TYW1B: variants seen among roughly 807,000 people sequenced by gnomAD.
TYW1B encodes the protein tRNA-yW synthesizing protein 1 homolog B, also known as S-adenosyl-L-methionine-dependent tRNA 4-demethylwyosine synthase TYW1B.
A neutral mutation model predicts 86.9 loss-of-function variants in TYW1B; 73 were observed. That is an observed-to-expected ratio of 0.84 (90% CI 0.70 to 1.02). The LOEUF (loss-of-function observed/expected upper bound fraction) is 1.02. TYW1B is among the 50% of genes least tolerant of loss of function. TYW1B has a pLI of 0.00. For missense variants in TYW1B, 637 were observed against 827.4 expected (o/e 0.77, Z 2.82); for synonymous variants, 248 against 292.8 (o/e 0.85, Z 1.56).
chr7:72,770,400 G>T (rs1450101404), intron 7 of TYW1B, among the ~76,000 whole-genome samples: 1 of 145,534 alleles, frequency 6.9e-6, no homozygotes, highest in Non-Finnish European at 1.5e-5. Context: ...CTGTACTCCA[G>T]GCTGGCAACA....
At chr7:72,647,683 A>G (rs1554442211) in intron 11 of TYW1B, among the ~76,000 whole-genome samples, 2 of 151,848 alleles carry the variant, frequency 1.3e-5, no homozygotes, top group African/African-American at 4.8e-5. Flanking sequence ...TTTGTTGACA[A>G]GGGGTAACTT....
intron 8 of TYW1B, among the ~76,000 whole-genome samples, chr7:72,737,066 T>C (rs1787208982): frequency 6.6e-6 from 1 of 152,138 alleles, no homozygotes; most frequent in Non-Finnish European, 1.5e-5. Context: ...ATACAGAACC[T>C]CACTCAAGCA....
At chr7:72,690,153 CAG>C (rs1377033140) in intron 11 of TYW1B, among the ~76,000 whole-genome samples, 1 of 152,142 alleles carries the variant, frequency 6.6e-6, no homozygotes, top group Non-Finnish European at 1.5e-5. Context: ...ATTACTTAAA[CAG>C]AGAAAAGAAT....
At chr7:72,598,229 C>G (rs1227453250) in intron 13 of TYW1B, among the ~76,000 whole-genome samples, 5 of 152,162 alleles carry the variant, frequency 3.3e-5, no homozygotes, top group African/African-American at 4.8e-5. Flanking sequence ...GCCTCCCACC[C>G]TACATCTCTC....
At chr7:72,794,268 C>T (rs1788269313) in intron 6 of TYW1B, among the ~76,000 whole-genome samples, 1 of 152,072 alleles carries the variant, frequency 6.6e-6, no homozygotes. Flanking sequence ...CATCAGTATA[C>T]TTCTTGGCCA....
rs1197656548 is a variant in TYW1B at position 72,776,579 on chromosome 7, A to AAAAAT, written c.964+836_964+837insATTTT. ...CTCAAAAAAAAAAAAAAAAAAAAAA[A>AAAAAT]GAGGTATAGTGTAAAACCTTGGGCA... On this transcript the variant is annotated intron_variant, in intron 7 of 13. Coordinates refer to ENST00000620995, the MANE Select transcript of TYW1B (RefSeq NM_001145440.3). Among the ~76,000 whole-genome samples the AAAAAT allele has an allele frequency of 2.3e-4, 35 of 149,832 alleles. 2 individuals carry two copies.
intron 6 of TYW1B, among the ~76,000 whole-genome samples, chr7:72,800,967 C>T (rs571320081): frequency 2.6e-5 from 4 of 152,214 alleles, no homozygotes; most frequent in Admixed American, 2.6e-4. Flanking sequence ...TGTTCGAGTC[C>T]ACTTTGATAT....
At chr7:72,750,894 CA>C (rs1268355383) in intron 7 of TYW1B, among the ~76,000 whole-genome samples, 1 of 152,152 alleles carries the variant, frequency 6.6e-6, no homozygotes, top group Non-Finnish European at 1.5e-5. Flanking sequence ...TGTCAGTGCT[CA>C]AAACATTTTT....
At chr7:72,610,094 G>A (rs1476386125) in intron 13 of TYW1B, among the ~76,000 whole-genome samples, 1 of 152,164 alleles carries the variant, frequency 6.6e-6, no homozygotes, top group Non-Finnish European at 1.5e-5. Flanking sequence ...TTCTTTCAAT[G>A]ATGTCATAAC....
chr7:72,813,811 T>G (rs1788669335), intron 3 of TYW1B, among the ~76,000 whole-genome samples: 1 of 151,916 alleles, frequency 6.6e-6, no homozygotes, highest in Admixed American at 6.6e-5. Flanking sequence ...TGTCAGGAGT[T>G]CGACACAAGC....
intron 11 of TYW1B, among the ~76,000 whole-genome samples, chr7:72,640,433 T>C (rs1812776233): frequency 6.6e-6 from 1 of 151,882 alleles, no homozygotes; most frequent in African/African-American, 2.4e-5. Flanking sequence ...TGGTAATGTC[T>C]TGTGGAGATA....
chr7:72,692,287 A>G lies in TYW1B; in HGVS notation c.1506+2400T>C, dbSNP rs572196257. Among the ~76,000 whole-genome samples the G allele has an allele frequency of 3.9e-4, 60 of 152,172 alleles. 1 individual carries two copies. The South Asian group carries it at 0.012, about 31-fold the overall frequency. On this transcript the variant is annotated intron_variant, in intron 11 of 13. Coordinates refer to ENST00000620995, the MANE Select transcript of TYW1B (RefSeq NM_001145440.3). Reference sequence around the variant, plus strand: ...GACTGGAGCAGTGGCTCATGCCTATAATCCCAACACTTCCAAGGCAGGAAG... The same window carrying G: ...GACTGGAGCAGTGGCTCATGCCTATGATCCCAACACTTCCAAGGCAGGAAG...
intron 3 of TYW1B, among the ~76,000 whole-genome samples, chr7:72,812,405 C>T (rs80061219): frequency 0.047 from 7,185 of 152,060 alleles, 524 homozygotes; most frequent in East Asian, 0.33. Context: ...TTCCAATTTG[C>T]GGTTCAGGGA....
At position 72,708,465 on chromosome 7, in the gene TYW1B, TAC is replaced by T. The variant is rs369481345; in HGVS notation, c.1370+5154_1370+5155del. Among the ~76,000 whole-genome samples the T allele has an allele frequency of 2.1e-3, 319 of 152,300 alleles. 2 individuals are homozygous for T. Among genetic ancestry groups the T allele is most frequent in the African/African-American group, 7.1e-3 (295 of 41,570 alleles). ...TCTTGTTTCTCTCTTCTTTAATTCT[TAC>T]AGTGTGCTCAAAGATGAAATGGCTG... On this transcript the variant is annotated intron_variant, in intron 10 of 13. Transcript: ENST00000620995.
At chr7:72,641,697 G>A (rs1339458582) in intron 11 of TYW1B, among the ~76,000 whole-genome samples, 1 of 152,066 alleles carries the variant, frequency 6.6e-6, no homozygotes, top group African/African-American at 2.4e-5. Flanking sequence ...GATTTATGTT[G>A]GAGTAATAAA....
intron 11 of TYW1B, among the ~76,000 whole-genome samples, chr7:72,663,185 G>A (rs1456793850): frequency 4.6e-5 from 7 of 151,760 alleles, no homozygotes; most frequent in South Asian, 2.1e-4. Context: ...TAGTCAAGGC[G>A]GGGGGTTGTG....
chr7:72,679,580 G>T (rs1813819700), intron 11 of TYW1B, among the ~76,000 whole-genome samples: 1 of 139,342 alleles, frequency 7.2e-6, no homozygotes, highest in Non-Finnish European at 1.6e-5. Flanking sequence ...TAGTTTGGGG[G>T]AAACAATGGG....
chr7:72,578,145 GCT>G (rs1330582560), intron 13 of TYW1B, among the ~76,000 whole-genome samples: 1 of 140,174 alleles, frequency 7.1e-6, no homozygotes, highest in Non-Finnish European at 1.5e-5. Flanking sequence ...ACGGAGTCTC[GCT>G]CTGTCACCCA....
chr7:72,649,124 C>T (rs375216703), intron 11 of TYW1B, among the ~76,000 whole-genome samples: 2 of 151,956 alleles, frequency 1.3e-5, no homozygotes, highest in East Asian at 1.9e-4. Context: ...AGAAGCAGAA[C>T]GCAGAAATTT....
Sources: allele counts gnomAD v4.1 joint callset (sites outside exome capture counted in the v4.1 genomes callset), GRCh38; gene constraint gnomAD v4.1.1; transcripts MANE v1.5; gene names NCBI Gene and HGNC (gene_info 2026-07-23, HGNC 2026-07-21).